The following NETO2 variants were observed in gnomAD, a reference collection of about 807,000 sequenced individuals.
NETO2 encodes neuropilin and tolloid-like protein 2.
A neutral mutation model predicts 62.5 loss-of-function variants in NETO2; 28 were observed. That is an observed-to-expected ratio of 0.45 (90% CI 0.33 to 0.61). NETO2 has a LOEUF of 0.61. NETO2 is among the 20% of genes least tolerant of loss of function. NETO2 has a pLI of 0.02. For missense variants in NETO2, 548 were observed against 643.2 expected (o/e 0.85, Z 1.60); for synonymous variants, 214 against 219.1 (o/e 0.98, Z 0.21).
intron 7 of NETO2, among the ~76,000 whole-genome samples, chr16:47,104,448 A>G (rs1187978365): frequency 1.3e-5 from 2 of 152,236 alleles, no homozygotes; most frequent in Admixed American, 6.5e-5. Flanking sequence ...TAAGATGACA[A>G]TATTACTCAA....
chr16:47,132,229 G>C (rs1596747265), intron 1 of NETO2, among the ~76,000 whole-genome samples: 1 of 151,538 alleles, frequency 6.6e-6, no homozygotes, highest in African/African-American at 2.4e-5. Context: ...AAGACAAGTG[G>C]TTTTGTACTC....
At position 47,122,949 on chromosome 16, in the gene NETO2, G is replaced by A. The variant is rs779934461; in HGVS notation, c.482-37C>T. 12 of 1,585,862 alleles carry A rather than the reference G, an allele frequency of 7.6e-6. No homozygotes were observed. In the South Asian group the frequency reaches 1.1e-4, roughly 15 times the overall value. On this transcript the variant is annotated intron_variant, in intron 4 of 8. Transcript: ENST00000562435. ...AAAAGAAGAAAGTCATTGGTACTGA[G>A]ATAGTTACTTTAATCCTCGATGTCT...
chr16:47,094,768 G>C (rs1963394937), intron 7 of NETO2, among the ~76,000 whole-genome samples: 1 of 152,132 alleles, frequency 6.6e-6, no homozygotes, highest in Non-Finnish European at 1.5e-5. Context: ...ACCCAGGCTG[G>C]AGTGCAGTGG....
rs1165111412 is a variant in NETO2 at position 47,082,779 on chromosome 16, T to C, written c.*442A>G. 1 of 156,044 alleles carries C rather than the reference T, an allele frequency of 6.4e-6. No individual in the cohort carries two copies. The highest frequency in any genetic ancestry group is 1.4e-5 in the Non-Finnish European group (1 of 70,724). The allele number at this position is 156,044 out of a possible 1,614,324, so 9.7% of individuals were successfully genotyped here. A position where few individuals can be genotyped will look rare whatever the true frequency, so the allele number is the denominator to read the frequency against. On this transcript the variant is annotated 3_prime_UTR_variant, in exon 9 of 9. Coordinates refer to ENST00000562435, the MANE Select transcript of NETO2 (RefSeq NM_018092.5). ...GTAAGAAAATGAAATGGTAAAACGA[T>C]AGGCTTATAAAACAAATTAAATTTA...
chr16:47,130,677 A>G (rs945372011), intron 2 of NETO2, among the ~76,000 whole-genome samples: 1 of 152,242 alleles, frequency 6.6e-6, no homozygotes, highest in African/African-American at 2.4e-5. Flanking sequence ...TGAAAAAATC[A>G]GCAGAACATT....
chr16:47,137,576 C>G (rs934982641), intron 1 of NETO2, among the ~76,000 whole-genome samples: 3 of 152,126 alleles, frequency 2.0e-5, no homozygotes, highest in Non-Finnish European at 4.4e-5. Context: ...TATAAGGGCT[C>G]CAACAAATAC....
At chr16:47,138,311 A>G (rs1964398807) in intron 1 of NETO2, among the ~76,000 whole-genome samples, 1 of 152,184 alleles carries the variant, frequency 6.6e-6, no homozygotes, top group Admixed American at 6.5e-5. Context: ...GAGGCAGGAG[A>G]ATCGCTTGAA....
intron 6 of NETO2, 86 bp downstream of exon 6, chr16:47,122,571 T>C (rs1964062854): frequency 6.7e-7 from 1 of 1,487,828 alleles, no homozygotes; most frequent in Non-Finnish European, 9.1e-7. Context: ...AGTCAATAAA[T>C]ATTTACACAA....
chr16:47,122,702 T>C lies in NETO2; in HGVS notation c.609A>G (p.Gln203=). The C allele has an allele frequency of 6.2e-7, 1 of 1,614,112 alleles. No homozygotes were observed. The highest frequency in any genetic ancestry group is 8.5e-7 in the Non-Finnish European group (1 of 1,180,006). ...VEQEEKTKPG[Q]AVDCIWTIKA... is the part of the protein sequence containing the mutation. ...TAATGGTCCAGATGCAATCAACGGC[T>C]TGGCCTGGTTTTGTTTTCTCCTCTT... Residue 203 remains glutamine (Q), a synonymous_variant, in exon 6 of 9, where the codon CAA becomes CAG. Coordinates refer to ENST00000562435, the MANE Select transcript of NETO2 (RefSeq NM_018092.5).
intron 6 of NETO2, among the ~76,000 whole-genome samples, chr16:47,116,422 G>A (rs969105209): frequency 2.6e-5 from 4 of 152,004 alleles, no homozygotes; most frequent in African/African-American, 9.7e-5. Context: ...TAGTCTTTAT[G>A]GTGAATTACA....
intron 7 of NETO2, among the ~76,000 whole-genome samples, chr16:47,101,835 A>G (rs530829466): frequency 6.6e-6 from 1 of 152,338 alleles, no homozygotes; most frequent in Non-Finnish European, 1.5e-5. Context: ...AAGAATCAAT[A>G]TCGTGAAAAT....
At chr16:47,140,567 G>A (rs2151496716) in intron 1 of NETO2, among the ~76,000 whole-genome samples, 2 of 152,312 alleles carry the variant, frequency 1.3e-5, no homozygotes, top group Admixed American at 1.3e-4. Context: ...AGATAAACCA[G>A]ATTGCAGTTG....
rs146493143 is a variant in NETO2 at position 47,129,398 on chromosome 16, C to T, written c.92-34G>A. 3.7e-4 allele frequency: 588 copies of T among 1,604,762 alleles called. 13 individuals carry two copies. In the East Asian group the frequency reaches 0.013, roughly 36 times the overall value. ...AAAACGGCATTTAAAACACTCATTA[C>T]AGCAAAAGAGAATCATTCTTCTCTT... On this transcript the variant is annotated intron_variant, in intron 2 of 8. Transcript: ENST00000562435.
chr16:47,125,059 AAAACATTATTC>A (rs1436718157), intron 4 of NETO2, among the ~76,000 whole-genome samples: 2 of 152,218 alleles, frequency 1.3e-5, no homozygotes, highest in Non-Finnish European at 2.9e-5. Flanking sequence ...TAAATATTTA[AAAACATTATTC>A]AAATAAGAGT....
chr16:47,094,715 C>T (rs1360204547), intron 7 of NETO2, among the ~76,000 whole-genome samples: 2 of 147,290 alleles, frequency 1.4e-5, no homozygotes, highest in Non-Finnish European at 3.0e-5. Context: ...CATGAGCCAC[C>T]GCGCCTGGCC....
intron 6 of NETO2, among the ~76,000 whole-genome samples, chr16:47,116,836 G>A (rs1963932970): frequency 6.6e-6 from 1 of 152,120 alleles, no homozygotes; most frequent in African/African-American, 2.4e-5. Context: ...GACATGTTTG[G>A]GCAGCTGTGT....
At chr16:47,132,264 G>C (rs1277559310) in intron 1 of NETO2, among the ~76,000 whole-genome samples, 2 of 151,490 alleles carry the variant, frequency 1.3e-5, no homozygotes, top group Non-Finnish European at 2.9e-5. Context: ...AATAATACAT[G>C]GCATTGAAAG....
chr16:47,127,365 C>T (rs558570166), intron 4 of NETO2, among the ~76,000 whole-genome samples: 1 of 152,052 alleles, frequency 6.6e-6, no homozygotes, highest in Non-Finnish European at 1.5e-5. Flanking sequence ...GGTACAGTAG[C>T]CCCCCAATAT....
At chr16:47,113,998 G>T (rs993113517) in intron 6 of NETO2, among the ~76,000 whole-genome samples, 1 of 152,012 alleles carries the variant, frequency 6.6e-6, no homozygotes, top group African/African-American at 2.4e-5. Flanking sequence ...ATAAACATAA[G>T]CTTTCATTTC....
Sources: allele counts gnomAD v4.1 joint callset (sites outside exome capture counted in the v4.1 genomes callset), GRCh38; gene constraint gnomAD v4.1.1; transcripts MANE v1.5; gene names NCBI Gene and HGNC (gene_info 2026-07-23, HGNC 2026-07-21).